The following NUP98 variants were observed in gnomAD, a reference collection of about 807,000 sequenced individuals.
The protein encoded by NUP98 is nuclear pore complex protein Nup98-Nup96.
A neutral mutation model predicts 191.9 loss-of-function variants in NUP98; 26 were observed. The observed-to-expected ratio is 0.14, with a 90% CI of 0.10 to 0.19. NUP98 has a LOEUF of 0.19. Among genes scored for constraint, NUP98 ranks in the 10% least tolerant of loss-of-function variants. The pLI, the probability that NUP98 is intolerant of heterozygous loss-of-function variation, is 1.00. For synonymous variants in NUP98, 808 were observed against 778.4 expected, an observed-to-expected ratio of 1.04 and a Z score of -0.63; for missense variants, 1,941 against 2,178.8, an observed-to-expected ratio of 0.89 and a Z score of 2.17.
chr11:3,705,438 C>G, intron 21 of NUP98, 82 bp from the exon 22 acceptor site: 1 of 1,362,594 alleles, frequency 7.3e-7, no homozygotes, highest in Non-Finnish European at 1.0e-6. Context: ...TTACAACAAC[C>G]AAAAATATTG....
intron 1 of NUP98, among the ~76,000 whole-genome samples, chr11:3,788,418 C>G (rs2133974651): frequency 6.6e-6 from 1 of 152,210 alleles, no homozygotes; most frequent in Non-Finnish European, 1.5e-5. Context: ...GCCTGGCCTA[C>G]ATGGTGAAAC....
At chr11:3,770,030 G>A (rs146600973) in intron 7 of NUP98, among the ~76,000 whole-genome samples, 7,558 of 128,128 alleles carry the variant, frequency 0.059, 257 homozygotes, top group Middle Eastern at 0.13. Flanking sequence ...GTGACAGAGC[G>A]AAACTCCATC....
At chr11:3,693,771 T>G (rs1412121413) in intron 26 of NUP98, among the ~76,000 whole-genome samples, 5 of 152,200 alleles carry the variant, frequency 3.3e-5, no homozygotes, top group Non-Finnish European at 7.3e-5. Context: ...CTGTCTATGG[T>G]TGTCAATGTA....
At chr11:3,748,812 A>C (rs2080609838) in intron 11 of NUP98, among the ~76,000 whole-genome samples, 1 of 152,178 alleles carries the variant, frequency 6.6e-6, no homozygotes, top group Non-Finnish European at 1.5e-5. Context: ...TATATTCTGA[A>C]TATGTTTAGG....
intron 27 of NUP98, among the ~76,000 whole-genome samples, chr11:3,691,892 T>G (rs1039895132): frequency 6.6e-6 from 1 of 152,096 alleles, no homozygotes; most frequent in Non-Finnish European, 1.5e-5. Flanking sequence ...GACACCTGTA[T>G]TAAGAATGAA....
At chr11:3,763,066 A>C in intron 8 of NUP98, 27 bp from the exon 9 acceptor site, 1 of 1,604,080 alleles carries the variant, frequency 6.2e-7, no homozygotes, top group Non-Finnish European at 8.5e-7. Context: ...ATAGATTAAA[A>C]GATATCCTGT....
At chr11:3,758,751 C>T (rs946469320) in intron 10 of NUP98, among the ~76,000 whole-genome samples, 3 of 152,116 alleles carry the variant, frequency 2.0e-5, no homozygotes, top group African/African-American at 7.2e-5. Flanking sequence ...TGCCATTGCA[C>T]TCCAGCCTGG....
intron 28 of NUP98, among the ~76,000 whole-genome samples, chr11:3,688,007 A>T (rs538277294): frequency 8.5e-5 from 13 of 152,372 alleles, no homozygotes; most frequent in Non-Finnish European, 1.8e-4. Flanking sequence ...AACAATGAGA[A>T]TTTCCAGTAT....
chr11:3,703,916 A>G (rs2078784613), intron 22 of NUP98, among the ~76,000 whole-genome samples: 1 of 152,158 alleles, frequency 6.6e-6, no homozygotes, highest in South Asian at 2.1e-4. Context: ...TCCAAATCCT[A>G]GCCTCAAGCC....
chr11:3,711,462 G>A (rs2134162397), intron 20 of NUP98: 1 of 152,312 alleles, frequency 6.6e-6, no homozygotes, highest in East Asian at 1.9e-4. Context: ...CATAAATGAA[G>A]CTTTTCTTTT....
At chr11:3,784,429 T>C (rs952838741) in intron 1 of NUP98, among the ~76,000 whole-genome samples, 1 of 151,990 alleles carries the variant, frequency 6.6e-6, no homozygotes, top group South Asian at 2.1e-4. Context: ...GAGGGCCACA[T>C]CAGAATTAGG....
intron 13 of NUP98, among the ~76,000 whole-genome samples, chr11:3,734,407 C>A (rs2079968235): frequency 6.6e-6 from 1 of 152,214 alleles, no homozygotes; most frequent in South Asian, 2.1e-4. Flanking sequence ...ACATAAGTGA[C>A]TGAATAGTAG....
chr11:3,784,099 T>C (rs765994858), intron 1 of NUP98, among the ~76,000 whole-genome samples: 5 of 152,198 alleles, frequency 3.3e-5, no homozygotes, highest in Non-Finnish European at 5.9e-5. Flanking sequence ...TTTTCTATTA[T>C]AGCCACACAA....
chr11:3,677,705 A>C (rs2077862968), intron 31 of NUP98, among the ~76,000 whole-genome samples: 1 of 152,190 alleles, frequency 6.6e-6, no homozygotes. Context: ...CTTGGCATAC[A>C]GTGAGTTCTC....
rs55821497 is a variant in NUP98, at chr11:3,720,832, C to CA, written c.2147-8dup. The CA allele has an allele frequency of 0.22, 80,204 of 372,136 alleles. 4,939 individuals carry two copies. The highest frequency in any genetic ancestry group is 0.4 in the African/African-American group (13,009 of 32,694). 23.1% of individuals were successfully genotyped at this position (372,136 alleles called of 1,614,324 possible). A position where few individuals can be genotyped will look rare whatever the true frequency, so the allele number is the denominator to read the frequency against. ...ACCTTAGTGAGAATAATACCTGTGA[C>CA]AAAAAAAAAAAAAAAAACAGAAAAA... On this transcript the variant is annotated splice_polypyrimidine_tract_variant and splice_region_variant and intron_variant, in intron 16 of 32. Coordinates refer to ENST00000324932, the MANE Select transcript of NUP98 (RefSeq NM_016320.5).
In NUP98 at chr11:3,735,203, C is replaced by T; in HGVS notation, c.1530G>A (p.Lys510=). Residue 510 remains lysine, a synonymous_variant, in exon 13 of 33, where the codon AAG becomes AAA. Transcript: ENST00000324932. ...PLFRNPMSDP[K]KKEERLKPTN... ...TCCTTAAATTTACCTCTTCCTTCTT[C>T]TTAGGGTCTGACATCGGATTCCGGA... is the stretch of plus-strand genomic sequence containing the variant. 6.3e-7 allele frequency: 1 copy of T among 1,586,800 alleles called. No individual in the cohort carries two copies. The highest frequency in any genetic ancestry group is 8.6e-7 in the Non-Finnish European group (1 of 1,164,800).
intron 19 of NUP98, 140 bp from the exon 20 acceptor site, chr11:3,712,868 C>G: frequency 1.3e-6 from 1 of 766,898 alleles, no homozygotes; most frequent in Non-Finnish European, 2.0e-6. Flanking sequence ...AAATATATCA[C>G]CTATCACACT....
At chr11:3,790,898 A>ATTTT (rs113941509) in intron 1 of NUP98, among the ~76,000 whole-genome samples, 30 of 144,588 alleles carry the variant, frequency 2.1e-4, no homozygotes, top group African/African-American at 6.1e-4. Flanking sequence ...CACCATTTTA[A>ATTTT]TTTTTTTTTT....
At chr11:3,792,592 C>T (rs1034902120) in intron 1 of NUP98, among the ~76,000 whole-genome samples, 2 of 152,006 alleles carry the variant, frequency 1.3e-5, no homozygotes, top group Admixed American at 1.3e-4. Context: ...GCCTGGGTGA[C>T]AAAGCAAGAC....
Sources: gnomAD v4.1 joint callset for allele counts (sites outside exome capture counted in the v4.1 genomes callset) on GRCh38, gnomAD v4.1.1 for gene constraint, MANE v1.5 for transcripts, NCBI Gene and HGNC (gene_info 2026-07-23, HGNC 2026-07-21) for gene names.